Variants in CRYBG3 observed in about 807,000 individuals in gnomAD.
The protein encoded by CRYBG3 is very large A-kinase anchor protein.
CRYBG3 carries 127 observed loss-of-function variants against 244.2 expected under a neutral mutation model. That is an observed-to-expected ratio of 0.52 (90% CI 0.45 to 0.60). The LOEUF (loss-of-function observed/expected upper bound fraction) is 0.60. Among genes scored for constraint, CRYBG3 ranks in the 20% least tolerant of loss-of-function variants. CRYBG3 has a pLI of 0.00. For missense variants in CRYBG3, 3,325 were observed against 3,442.5 expected, an observed-to-expected ratio of 0.97 and a Z score of 0.85; for synonymous variants, 1,132 against 1,195.8, an observed-to-expected ratio of 0.95 and a Z score of 1.10.
At chr3:97,891,978 C>T (rs961280246) in intron 10 of CRYBG3, among the ~76,000 whole-genome samples, 24 of 152,176 alleles carry the variant, frequency 1.6e-4, no homozygotes, top group Non-Finnish European at 2.4e-4. Context: ...ACTGTTGCCA[C>T]GACCCTTGCC....
intron 15 of CRYBG3, among the ~76,000 whole-genome samples, chr3:97,902,715 C>T (rs2039720002): frequency 6.6e-6 from 1 of 152,028 alleles, no homozygotes; most frequent in Non-Finnish European, 1.5e-5. Context: ...AGAACACCAC[C>T]TTTTATTGAG....
intron 19 of CRYBG3, among the ~76,000 whole-genome samples, chr3:97,937,167 C>T (rs1037803933): frequency 1.6e-4 from 25 of 152,074 alleles, no homozygotes; most frequent in Non-Finnish European, 2.9e-5. Context: ...ACTGTAAGTT[C>T]TGTGGCAAAC....
At chr3:97,914,658 A>G (rs2039908268) in intron 16 of CRYBG3, among the ~76,000 whole-genome samples, 2 of 152,200 alleles carry the variant, frequency 1.3e-5, no homozygotes, top group African/African-American at 4.8e-5. Context: ...TACCTACCTC[A>G]AAGGTTTCTT....
intron 12 of CRYBG3, among the ~76,000 whole-genome samples, chr3:97,897,467 A>G (rs2039652377): frequency 1.3e-5 from 2 of 152,040 alleles, no homozygotes; most frequent in South Asian, 2.1e-4. Context: ...AAGGTTGTTC[A>G]TCATTGTTCC....
rs1310958386 is a variant in CRYBG3 at position 97,872,566 on chromosome 3, C to T, written c.1372C>T (p.Pro458Ser). The T allele has an allele frequency of 2.0e-6, 3 of 1,535,708 alleles. No homozygotes were observed. The highest frequency in any genetic ancestry group is 2.7e-5 in the African/African-American group (2 of 72,976). The stretch of plus-strand genomic sequence containing the variant: ...GCAGGAAAGTACAAATTTGCCAAGT[C>T]CAAATAAATCAATTAGGCATGAACA... ...TEQESTNLPS[P>S]NKSIRHEHLQ... The change falls in exon 4 of 22, where the codon CCA (proline) becomes TCA (serine). Residue 458 changes from proline (P) to serine (S), a missense_variant. Physicochemically the swap from Pro to Ser is moderately conservative, Grantham distance 74 (BLOSUM62 -1). Transcript: ENST00000389622.
At chr3:97,862,914 A>G (rs1029251905) in intron 2 of CRYBG3, among the ~76,000 whole-genome samples, 13 of 152,208 alleles carry the variant, frequency 8.5e-5, no homozygotes, top group Admixed American at 2.0e-4. Flanking sequence ...TTTGCTTGCA[A>G]TCAGTTTGCT....
In CRYBG3 at chr3:97,873,134, G is replaced by A; in HGVS notation, c.1940G>A (p.Cys647Tyr). The A allele has an allele frequency of 6.5e-7, 1 of 1,535,740 alleles. No homozygotes were observed. Among genetic ancestry groups the A allele is most frequent in the Non-Finnish European group, 8.7e-7 (1 of 1,146,702 alleles). The change falls in exon 4 of 22, where the codon TGT becomes TAT. Residue 647 changes from cysteine (C) to tyrosine (Y), a missense_variant. By Grantham distance (194) the Cys-to-Tyr change is radical (BLOSUM62 -2). Coordinates refer to ENST00000389622, the MANE Select transcript of CRYBG3 (RefSeq NM_153605.4). ...GCTAAAACATCTCTTAGCCTTGACTGTAAAAAACTAAATTTCAGTATTTCA... is the reference window on the plus strand; with the variant it reads ...GCTAAAACATCTCTTAGCCTTGACTATAAAAAACTAAATTTCAGTATTTCA... ...PDAKTSLSLD[C>Y]KKLNFSISPP... is the part of the protein sequence containing the mutation.
intron 7 of CRYBG3, among the ~76,000 whole-genome samples, chr3:97,884,524 A>G (rs915321612): frequency 2.0e-5 from 3 of 152,170 alleles, no homozygotes; most frequent in African/African-American, 7.2e-5. Flanking sequence ...ATAATAGTAT[A>G]AGTTTGCAAA....
At chr3:97,888,719 A>G (rs1368620188) in intron 9 of CRYBG3, among the ~76,000 whole-genome samples, 1 of 152,226 alleles carries the variant, frequency 6.6e-6, no homozygotes, top group Admixed American at 6.5e-5. Flanking sequence ...AAACATAGCC[A>G]CTAGGACAAA....
At chr3:97,830,941 C>T (rs1218851432) in intron 1 of CRYBG3, among the ~76,000 whole-genome samples, 1 of 152,112 alleles carries the variant, frequency 6.6e-6, no homozygotes, top group African/African-American at 2.4e-5. Flanking sequence ...ATTCCAGAGT[C>T]TGGAGGCTTC....
chr3:97,899,820 G>A (rs1232230785), intron 14 of CRYBG3, among the ~76,000 whole-genome samples: 2 of 152,224 alleles, frequency 1.3e-5, no homozygotes, highest in Non-Finnish European at 2.9e-5. Context: ...AGTTGTAGAA[G>A]AGTGTGGCCA....
Position 97,884,610 on chromosome 3 carries a change from T to C in CRYBG3, c.7153-2021T>C, listed in dbSNP as rs553169323. 2.1e-4 allele frequency among the ~76,000 whole-genome samples: 32 copies of C among 152,276 alleles called. No homozygotes were observed. In the South Asian group the frequency reaches 6.4e-3, roughly 31 times the overall value. ...AAGCCATATAAACTTAAATTGTTTTTTGTTTCTAGGTTACTTTAAAGTGGC... is the reference window on the plus strand; with the variant it reads ...AAGCCATATAAACTTAAATTGTTTTCTGTTTCTAGGTTACTTTAAAGTGGC... On this transcript the variant is annotated intron_variant, in intron 7 of 21. Coordinates refer to ENST00000389622, the MANE Select transcript of CRYBG3 (RefSeq NM_153605.4).
At position 97,933,541 on chromosome 3, in the gene CRYBG3, C is replaced by G. The variant is rs770504174; in HGVS notation, c.8242-153C>G. The G allele has an allele frequency of 1.1e-5, 9 of 788,160 alleles. No homozygotes were observed. The Admixed American group carries it at 1.6e-4, about 14-fold the overall frequency. The allele number at this position is 788,160 out of a possible 1,614,324, so 48.8% of individuals were successfully genotyped here. On this transcript the variant is annotated intron_variant, in intron 17 of 21. Coordinates refer to ENST00000389622, the MANE Select transcript of CRYBG3 (RefSeq NM_153605.4). The stretch of plus-strand genomic sequence containing the variant: ...AAATTATTAATAAAATCTAATCTTT[C>G]CAGTGCAGTTTTGACTATAGCAACC...
At position 97,934,503 on chromosome 3, in the gene CRYBG3, T is replaced by A. The variant is rs144203075; in HGVS notation, c.8381+670T>A. On this transcript the variant is annotated intron_variant, in intron 18 of 21. Coordinates refer to ENST00000389622, the MANE Select transcript of CRYBG3 (RefSeq NM_153605.4). ...ACTGTTAGTGTTCTGGTAGCAAAAG[T>A]CAACTAAAAAAACACACATAGCTCT... Among the ~76,000 whole-genome samples the A allele has an allele frequency of 6.1e-3, 925 of 151,884 alleles. 11 individuals carry two copies. The highest frequency in any genetic ancestry group is 0.021 in the African/African-American group (851 of 41,426).
intron 12 of CRYBG3, among the ~76,000 whole-genome samples, chr3:97,897,297 T>A (rs1179373271): frequency 6.6e-6 from 1 of 152,046 alleles, no homozygotes; most frequent in Non-Finnish European, 1.5e-5. Context: ...GTTGAGAGAT[T>A]TTATGGAATT....
rs537994168 is a variant in CRYBG3 at position 97,825,867 on chromosome 3, C to T, written c.149+3512C>T. The stretch of plus-strand genomic sequence containing the variant: ...ATGACCAGCATGGGAGAGCTATTGG[C>T]CTTCAGGTTAAACTACCAGTGTTGA... On this transcript the variant is annotated intron_variant, in intron 1 of 21. Coordinates refer to ENST00000389622, the MANE Select transcript of CRYBG3 (RefSeq NM_153605.4). 1.4e-4 allele frequency among the ~76,000 whole-genome samples: 22 copies of T among 152,208 alleles called. No homozygotes were observed. The East Asian group carries it at 3.9e-3, about 27-fold the overall frequency.
intron 7 of CRYBG3, among the ~76,000 whole-genome samples, chr3:97,886,239 T>C (rs2039505716): frequency 6.6e-6 from 1 of 152,170 alleles, no homozygotes; most frequent in Non-Finnish European, 1.5e-5. Context: ...TCAGCTTTTA[T>C]TTAACTCTCT....
In CRYBG3 at chr3:97,864,635, C is replaced by T. The variant is rs2039199202; in HGVS notation, c.635C>T (p.Thr212Ile). The change falls in exon 3 of 22, where the codon ACT (threonine) becomes ATT (isoleucine). Residue 212 changes from threonine (T) to isoleucine (I), a missense_variant. By Grantham distance (89) the Thr-to-Ile change is moderately conservative. Around this residue, in one of 4 missense-constraint regions of CRYBG3, gnomAD observed 1,526 missense variants for 1,443.2 expected, o/e 1.06. Coordinates refer to ENST00000389622, the MANE Select transcript of CRYBG3 (RefSeq NM_153605.4). ...ACACAAGACAGTGACCAAGAAACCA[C>T]TAATTTGCTAAAGTAAGTTTAAAAT... is the stretch of plus-strand genomic sequence containing the variant. ...DTTQDSDQET[T>I]NLLKQIDGKP... The T allele has an allele frequency of 1.3e-6, 2 of 1,508,424 alleles. No individual in the cohort carries two copies. Among genetic ancestry groups the T allele is most frequent in the South Asian group, 2.5e-5 (2 of 78,940 alleles). The allele number at this position is 1,508,424 out of a possible 1,614,324, so 93.4% of individuals were successfully genotyped here.
chr3:97,822,953 T>TG (rs2038526527), intron 1 of CRYBG3, among the ~76,000 whole-genome samples: 3 of 152,232 alleles, frequency 2.0e-5, no homozygotes, highest in Non-Finnish European at 4.4e-5. Flanking sequence ...TTCACCAAAA[T>TG]GGACTGGACA....
Sources: gnomAD v4.1 joint callset for allele counts (sites outside exome capture counted in the v4.1 genomes callset) on GRCh38, gnomAD v4.1.1 for gene constraint, gnomAD v4.1.1 regional missense constraint, MANE v1.5 for transcripts, NCBI Gene and HGNC (gene_info 2026-07-23, HGNC 2026-07-21) for gene names.